ZFP3: variants seen among roughly 807,000 people sequenced by gnomAD.
The protein encoded by ZFP3 is ZFP3 zinc finger protein, also known as zinc finger protein 3 homolog.
A neutral mutation model predicts 36.7 loss-of-function variants in ZFP3; 18 were observed. That is an observed-to-expected ratio of 0.49 (90% confidence interval 0.34 to 0.73). The LOEUF is 0.73. Among genes scored for constraint, ZFP3 ranks in the 30% least tolerant of loss-of-function variants. The pLI, the probability that ZFP3 is intolerant of heterozygous loss-of-function variation, is 0.01. For synonymous variants in ZFP3, 218 were observed against 199.0 expected (o/e 1.10, Z -0.81); for missense variants, 495 against 599.0 (o/e 0.83, Z 1.81).
intron 1 of ZFP3, among the ~76,000 whole-genome samples, chr17:5,082,758 G>A (rs1325148501): frequency 6.6e-6 from 1 of 152,108 alleles, no homozygotes; most frequent in African/African-American, 2.4e-5. Context: ...TCAAACTCCT[G>A]GGCTTAAGTG....
intron 1 of ZFP3, among the ~76,000 whole-genome samples, chr17:5,085,796 C>T (rs1402202519): frequency 3.3e-5 from 5 of 152,094 alleles, no homozygotes; most frequent in Admixed American, 6.6e-5. Flanking sequence ...GTCAGCTCTA[C>T]GAATGCTGAT....
intron 1 of ZFP3, among the ~76,000 whole-genome samples, chr17:5,080,029 G>T (rs908749133): frequency 6.6e-6 from 1 of 151,622 alleles, no homozygotes; most frequent in Non-Finnish European, 1.5e-5. Context: ...ACAGAGCGAG[G>T]CTCCATCTCC....
Position 5,092,783 on chromosome 17 carries a change from GC to G in ZFP3, c.1280del (p.Ala427GlufsTer120). 1 of 1,614,132 alleles carries G rather than the reference GC, an allele frequency of 6.2e-7. No homozygotes were observed. Among genetic ancestry groups the G allele is most frequent in the Non-Finnish European group, 8.5e-7 (1 of 1,180,032 alleles). On this transcript the variant is annotated frameshift_variant, in exon 2 of 2. Coordinates refer to ENST00000318833, the MANE Select transcript of ZFP3 (RefSeq NM_153018.3). LOFTEE classifies it high-confidence loss of function. This position sits in a 1 kb window ranked among gnomAD's most constrained non-coding sequence, Gnocchi z 5.0. The part of the protein sequence containing the change: ...GEKPHQCNEC[A>X]RTFWDNSELL... ...GAAACCCCATCAATGTAATGAGTGTGCAAGAACCTTTTGGGATAATTCTGAG... is the reference window on the plus strand; with the variant it reads ...GAAACCCCATCAATGTAATGAGTGTGAAGAACCTTTTGGGATAATTCTGAG...
rs1278923913 is a variant in ZFP3, at chr17:5,091,793, C to T, written c.289C>T (p.Pro97Ser). The T allele has an allele frequency of 3.1e-6, 5 of 1,614,184 alleles. No homozygotes were observed. The highest frequency in any genetic ancestry group is 4.2e-6 in the Non-Finnish European group (5 of 1,180,040). Reference protein sequence around the residue: ...ENNESERGCSPSPNLVTHQGD... With the variant: ...ENNESERGCSSSPNLVTHQGD... The stretch of plus-strand genomic sequence containing the variant: ...TAATGAGAGTGAGAGAGGCTGCAGT[C>T]CCAGCCCAAATCTGGTTACACATCA... Residue 97 changes from proline to serine, a missense_variant, in exon 2 of 2, where the codon CCC becomes TCC. This residue lies in a region of ZFP3 where 229 missense variants were observed against 233.8 expected (regional missense o/e 0.98). Coordinates refer to ENST00000318833, the MANE Select transcript of ZFP3 (RefSeq NM_153018.3).
intron 1 of ZFP3, among the ~76,000 whole-genome samples, chr17:5,085,758 G>T (rs978957911): frequency 6.6e-6 from 1 of 152,182 alleles, no homozygotes; most frequent in Non-Finnish European, 1.5e-5. Flanking sequence ...CTAAGAAAAA[G>T]TGATTTTCCA....
intron 1 of ZFP3, among the ~76,000 whole-genome samples, chr17:5,081,031 T>A (rs1232931752): frequency 6.6e-6 from 1 of 151,812 alleles, no homozygotes; most frequent in Admixed American, 6.6e-5. Flanking sequence ...TCATCTCCCC[T>A]CCATATTTAT....
Position 5,093,095 on chromosome 17 carries a change from A to T in ZFP3, c.*82A>T. On this transcript the variant is annotated 3_prime_UTR_variant, in exon 2 of 2. Coordinates refer to ENST00000318833, the MANE Select transcript of ZFP3 (RefSeq NM_153018.3). The stretch of plus-strand genomic sequence containing the variant: ...TCATAATATGCAAATATGCACCCCA[A>T]GTATTCAAATCCAATGAATGGACAG... 3 of 1,391,424 alleles carry T rather than the reference A, an allele frequency of 2.2e-6. No homozygotes were observed. The highest frequency in any genetic ancestry group is 2.9e-6 in the Non-Finnish European group (3 of 1,032,454). The allele number at this position is 1,391,424 out of a possible 1,614,324, so 86.2% of individuals were successfully genotyped here.
At position 5,094,292 on chromosome 17, in the gene ZFP3, T is replaced by C. The variant is rs2143536867; in HGVS notation, c.*1279T>C. ...GTCTTGAATGCCTGGGCTCCAGCAA[T>C]CTTTTTGCCTCAACTTCCCAAAGTA... On this transcript the variant is annotated 3_prime_UTR_variant, in exon 2 of 2. Transcript: ENST00000318833. The C allele has an allele frequency of 6.0e-6, 1 of 167,124 alleles. No homozygotes were observed. The highest frequency in any genetic ancestry group is 2.1e-4 in the South Asian group (1 of 4,828). The allele number at this position is 167,124 out of a possible 1,614,324, so 10.4% of individuals were successfully genotyped here. A position where few individuals can be genotyped will look rare whatever the true frequency, so the allele number is the denominator to read the frequency against.
chr17:5,083,277 G>T (rs1002734328), intron 1 of ZFP3, among the ~76,000 whole-genome samples: 1 of 152,186 alleles, frequency 6.6e-6, no homozygotes, highest in Non-Finnish European at 1.5e-5. Flanking sequence ...GACTTTGTAG[G>T]CCGGGCGCAG....
At chr17:5,083,888 A>G (rs2072107054) in intron 1 of ZFP3, among the ~76,000 whole-genome samples, 1 of 112,718 alleles carries the variant, frequency 8.9e-6, no homozygotes, top group Non-Finnish European at 1.9e-5. Context: ...TTTTTTTGAG[A>G]TGGAGTCTGG....
chr17:5,081,687 T>C (rs1488912345), intron 1 of ZFP3, among the ~76,000 whole-genome samples: 4 of 151,184 alleles, frequency 2.6e-5, no homozygotes, highest in East Asian at 2.0e-4. Context: ...CTGCAAGCTC[T>C]GCCTCCCGGG....
Position 5,095,335 on chromosome 17 carries a change from C to T in ZFP3, c.*2322C>T, listed in dbSNP as rs1167988262. On this transcript the variant is annotated 3_prime_UTR_variant, in exon 2 of 2. Coordinates refer to ENST00000318833, the MANE Select transcript of ZFP3 (RefSeq NM_153018.3). ...GGGAAGTTGTTTGATTTACTTCTTC[C>T]CTTAGGTTGATTACAAGTGAAGTGC... The T allele has an allele frequency of 1.8e-5, 3 of 166,986 alleles. No homozygotes were observed. The highest frequency in any genetic ancestry group is 4.4e-5 in the Non-Finnish European group (3 of 68,102). The allele number at this position is 166,986 out of a possible 1,614,324, so 10.3% of individuals were successfully genotyped here.
At chr17:5,084,055 G>A (rs1334529239) in intron 1 of ZFP3, among the ~76,000 whole-genome samples, 3 of 151,758 alleles carry the variant, frequency 2.0e-5, no homozygotes, top group African/African-American at 7.3e-5. Flanking sequence ...TTGTAGAGAT[G>A]AGGTTTCACC....
In ZFP3 at chr17:5,094,685, C is replaced by T. The variant is rs972933261; in HGVS notation, c.*1672C>T. ...TTATTCTTTAACCTCATCTTTGTTA[C>T]ACTAATATTAGTCACTAATATTTAT... On this transcript the variant is annotated 3_prime_UTR_variant, in exon 2 of 2. Coordinates refer to ENST00000318833, the MANE Select transcript of ZFP3 (RefSeq NM_153018.3). 29 of 167,052 alleles carry T rather than the reference C, an allele frequency of 1.7e-4. 1 individual carries two copies. Among genetic ancestry groups the T allele is most frequent in the Admixed American group, 1.7e-3 (26 of 15,272 alleles). 10.3% of individuals were successfully genotyped at this position (167,052 alleles called of 1,614,324 possible).
intron 1 of ZFP3, among the ~76,000 whole-genome samples, chr17:5,080,529 C>A (rs1319585178): frequency 6.6e-6 from 1 of 152,068 alleles, no homozygotes; most frequent in African/African-American, 2.4e-5. Flanking sequence ...CAAAACATTT[C>A]CATTTCTCAT....
intron 1 of ZFP3, among the ~76,000 whole-genome samples, chr17:5,084,486 A>T (rs10852868): frequency 7.6e-6 from 1 of 132,110 alleles, no homozygotes; most frequent in African/African-American, 2.9e-5. Flanking sequence ...CGTGTTAGCC[A>T]GGATGGTCTC....
At chr17:5,090,973 C>T (rs1255236416) in intron 1 of ZFP3, among the ~76,000 whole-genome samples, 1 of 152,044 alleles carries the variant, frequency 6.6e-6, no homozygotes, top group East Asian at 1.9e-4. Flanking sequence ...CATTTCTGTC[C>T]CTTCTTTCAA....
rs146498999 is a variant in ZFP3, at chr17:5,092,533, G to C, written c.1029G>C (p.Gly343=). 2.5e-4 allele frequency: 408 copies of C among 1,613,958 alleles called. No homozygotes were observed. The highest frequency in any genetic ancestry group is 3.3e-4 in the Non-Finnish European group (391 of 1,180,040). The change falls in exon 2 of 2, where the codon GGG becomes GGC. Residue 343 remains glycine (G), a synonymous_variant. Transcript: ENST00000318833. This position sits in a 1 kb window ranked among gnomAD's most constrained non-coding sequence, Gnocchi z 5.0. ...GDKPYECNEC[G]KTFGQNSEII... ...AACCCTATGAATGTAATGAATGTGG[G>C]AAAACTTTTGGCCAGAACTCAGAGA...
Position 5,089,982 on chromosome 17 carries a change from A to C in ZFP3, c.-8-1515A>C, listed in dbSNP as rs2072141712. Among the ~76,000 whole-genome samples, 3 of 152,210 alleles carry C rather than the reference A, an allele frequency of 2.0e-5. No individual in the cohort carries two copies. In the South Asian group the frequency reaches 6.2e-4, roughly 32 times the overall value. ...CAAAAATGCACTCTTTAAGTAATCT[A>C]TGAAGGTATTAAGAAAATACTATAA... On this transcript the variant is annotated intron_variant, in intron 1 of 1. Coordinates refer to ENST00000318833, the MANE Select transcript of ZFP3 (RefSeq NM_153018.3).
Sources: allele counts gnomAD v4.1 joint callset (sites outside exome capture counted in the v4.1 genomes callset), GRCh38; gene constraint gnomAD v4.1.1; regional missense constraint gnomAD v4.1.1; non-coding constraint Gnocchi (gnomAD v3.1); transcripts MANE v1.5; gene names NCBI Gene and HGNC (gene_info 2026-07-23, HGNC 2026-07-21).